The following TMTC4 variants were observed in gnomAD, a reference collection of about 807,000 sequenced individuals.
TMTC4 encodes the protein transmembrane O-mannosyltransferase targeting cadherins 4.
TMTC4 carries 65 observed loss-of-function variants against 86.0 expected under a neutral mutation model. The ratio of observed to expected loss-of-function variants is 0.76; its 90% confidence interval spans 0.62 to 0.93. The LOEUF is 0.93. Among genes scored for constraint, TMTC4 ranks in the 40% least tolerant of loss-of-function variants. TMTC4 has a pLI of 0.00. For missense variants in TMTC4, 866 were observed against 948.1 expected (o/e 0.91, Z 1.14); for synonymous variants, 379 against 382.5 (o/e 0.99, Z 0.11).
At chr13:100,647,033 C>T (rs970530201) in intron 6 of TMTC4, among the ~76,000 whole-genome samples, 1 of 152,136 alleles carries the variant, frequency 6.6e-6, no homozygotes, top group Non-Finnish European at 1.5e-5. Flanking sequence ...GAGAGCACAG[C>T]GTCCAGCTTA....
intron 15 of TMTC4, among the ~76,000 whole-genome samples, chr13:100,616,143 G>A (rs891270983): frequency 6.6e-6 from 1 of 152,018 alleles, no homozygotes; most frequent in African/African-American, 2.4e-5. Flanking sequence ...CAGCGGATGG[G>A]CACCTAGGTT....
In TMTC4 at chr13:100,649,762, A is replaced by AAAATAAAT. The variant is rs3059451; in HGVS notation, c.640+6611_640+6618dup. Among the ~76,000 whole-genome samples, 591 of 148,764 alleles carry AAAATAAAT rather than the reference A, an allele frequency of 4.0e-3. 1 individual carries two copies. The highest frequency in any genetic ancestry group is 6.9e-3 in the Middle Eastern group (2 of 288). On this transcript the variant is annotated intron_variant, in intron 6 of 18. Coordinates refer to ENST00000342624, the MANE Select transcript of TMTC4 (RefSeq NM_032813.5). ...CGCCATCATTAAGATATTCTTCTTC[A>AAAATAAAT]AAATAAATAAATAAATAAATAAATA...
chr13:100,650,025 A>G (rs868026948), intron 6 of TMTC4, among the ~76,000 whole-genome samples: 15 of 152,020 alleles, frequency 9.9e-5, no homozygotes, highest in African/African-American at 3.1e-4. Flanking sequence ...AGCATTCTCC[A>G]TCTCCTCTCC....
At position 100,637,955 on chromosome 13, in the gene TMTC4, A is replaced by C. The variant is rs772648190; in HGVS notation, c.809T>G (p.Val270Gly). ...CTCTAATGACTTGTCCTTATGTAGT[A>C]CCTTCTGGACAATTTCCAGAACATT... Reference protein sequence around the residue: ...KFNVLEIVQKVLHKDKSLENL... With the variant: ...KFNVLEIVQKGLHKDKSLENL... Residue 270 changes from valine (V) to glycine (G), a missense_variant, in exon 8 of 19, where the codon GTA (valine) becomes GGA (glycine). Transcript: ENST00000342624. 5.8e-5 allele frequency: 93 copies of C among 1,613,800 alleles called. No homozygotes were observed. Among genetic ancestry groups the C allele is most frequent in the Non-Finnish European group, 7.7e-5 (91 of 1,179,876 alleles).
intron 15 of TMTC4, among the ~76,000 whole-genome samples, chr13:100,620,552 C>T (rs140179267): frequency 6.6e-6 from 1 of 152,310 alleles, no homozygotes; most frequent in African/African-American, 2.4e-5. Flanking sequence ...TCCAATGAGT[C>T]TAACCAATTC....
At chr13:100,612,577 T>C in intron 16 of TMTC4, 67 bp from the exon 17 acceptor site, 1 of 1,190,790 alleles carries the variant, frequency 8.4e-7, no homozygotes, top group Non-Finnish European at 1.2e-6. Context: ...CTTCTCTCTA[T>C]AACTAACAGG....
intron 15 of TMTC4, among the ~76,000 whole-genome samples, chr13:100,616,775 A>C (rs1878568767): frequency 6.6e-6 from 1 of 152,088 alleles, no homozygotes; most frequent in Non-Finnish European, 1.5e-5. Flanking sequence ...ATTAGTGATG[A>C]TGAGCATTTT....
At position 100,636,671 on chromosome 13, in the gene TMTC4, ACAGCCAC is replaced by A; in HGVS notation, c.1056_1062del (p.Trp352CysfsTer21). On this transcript the variant is annotated frameshift_variant, in exon 10 of 19. Transcript: ENST00000342624. LOFTEE classifies it high-confidence loss of function. ...ATGCAGCCCATTGACCAATCAAAACACAGCCACCAGGGACACAGCAGCAGCCAGGCAT... is the reference window on the plus strand; with the variant it reads ...ATGCAGCCCATTGACCAATCAAAACACAGGGACACAGCAGCAGCCAGGCAT... 1 of 1,614,204 alleles carries A rather than the reference ACAGCCAC, an allele frequency of 6.2e-7. No individual in the cohort carries two copies. Among genetic ancestry groups the A allele is most frequent in the Non-Finnish European group, 8.5e-7 (1 of 1,180,036 alleles).
At chr13:100,645,685 T>G (rs1566614933) in intron 6 of TMTC4, among the ~76,000 whole-genome samples, 3 of 152,220 alleles carry the variant, frequency 2.0e-5, no homozygotes, top group Non-Finnish European at 4.4e-5. Context: ...TAGATTAGGT[T>G]AGGCCCAGCT....
chr13:100,623,293 C>A (rs549305918), intron 15 of TMTC4, among the ~76,000 whole-genome samples: 17 of 152,304 alleles, frequency 1.1e-4, no homozygotes, highest in African/African-American at 3.4e-4. Context: ...AGTGCAGTGC[C>A]GCAATCTTGG....
At chr13:100,663,644 G>A (rs117963491) in intron 4 of TMTC4, among the ~76,000 whole-genome samples, 1,773 of 152,182 alleles carry the variant, frequency 0.012, 14 homozygotes, top group Non-Finnish European at 0.018. Context: ...AACACCCTCC[G>A]CTGGCAGGGA....
upstream of TMTC4, chr13:100,674,811 C>T: frequency 1.0e-6 from 1 of 980,916 alleles, no homozygotes; most frequent in Non-Finnish European, 1.2e-6. Flanking sequence ...CTCCAGGCAC[C>T]CGCCCGGACC....
chr13:100,614,871 T>A (rs1878224467), intron 15 of TMTC4: 1 of 962,902 alleles, frequency 1.0e-6, no homozygotes, highest in East Asian at 1.2e-4. Context: ...TGATAAAGTA[T>A]TACTTAGAAT....
At chr13:100,639,609 T>C (rs967860105) in intron 7 of TMTC4, among the ~76,000 whole-genome samples, 9 of 152,202 alleles carry the variant, frequency 5.9e-5, no homozygotes, top group African/African-American at 2.2e-4. Context: ...TCTTTATTCA[T>C]GTAAATTCAA....
intron 6 of TMTC4, among the ~76,000 whole-genome samples, chr13:100,643,559 T>C (rs544932040): frequency 1.3e-5 from 2 of 152,318 alleles, no homozygotes; most frequent in East Asian, 1.9e-4. Context: ...ACATAAGAAA[T>C]TGACTAGTTT....
At chr13:100,659,136 T>C (rs913554201) in intron 5 of TMTC4, among the ~76,000 whole-genome samples, 2 of 152,216 alleles carry the variant, frequency 1.3e-5, no homozygotes, top group African/African-American at 4.8e-5. Flanking sequence ...GCACCATTGT[T>C]TCCCCAGTAG....
At chr13:100,611,351 C>A (rs1172336352) in intron 17 of TMTC4, among the ~76,000 whole-genome samples, 1 of 151,952 alleles carries the variant, frequency 6.6e-6, no homozygotes, top group African/African-American at 2.4e-5. Flanking sequence ...TTTGGGAAGC[C>A]GAGGAGGGTG....
chr13:100,670,983 T>C (rs1380834979), intron 1 of TMTC4, among the ~76,000 whole-genome samples: 7 of 152,142 alleles, frequency 4.6e-5, no homozygotes, highest in Non-Finnish European at 1.0e-4. Flanking sequence ...CAAAGCCAAA[T>C]ACTGAATAGT....
chr13:100,632,015 CCA>C lies in TMTC4; in HGVS notation c.1506+2788_1506+2789del, dbSNP rs60522457. 3.1e-3 allele frequency among the ~76,000 whole-genome samples: 305 copies of C among 99,324 alleles called. 2 individuals carry two copies. The highest frequency in any genetic ancestry group is 7.1e-3 in the African/African-American group (169 of 23,862). 65.2% of individuals were successfully genotyped at this position (99,324 alleles called of 152,430 possible). A position where few individuals can be genotyped will look rare whatever the true frequency, so the allele number is the denominator to read the frequency against. ...ATGTATTCCTTAAATTAAGAGGAAA[CCA>C]CACACACACACACACACACACACAC... On this transcript the variant is annotated intron_variant, in intron 12 of 18. Transcript: ENST00000342624.
Sources: gnomAD v4.1 joint callset for allele counts (sites outside exome capture counted in the v4.1 genomes callset) on GRCh38, gnomAD v4.1.1 for gene constraint, MANE v1.5 for transcripts, NCBI Gene and HGNC (gene_info 2026-07-23, HGNC 2026-07-21) for gene names.